The following COL17A1 variants were observed in gnomAD, a reference collection of about 807,000 sequenced individuals.
COL17A1 encodes collagen type XVII alpha 1 chain, also known as collagen alpha-1(XVII) chain.
A neutral mutation model predicts 218.4 loss-of-function variants in COL17A1; 181 were observed. The observed-to-expected ratio is 0.83, with a 90% confidence interval of 0.73 to 0.94. COL17A1 has a LOEUF of 0.94. Ranked by LOEUF, COL17A1 falls within the 40% of genes least tolerant of loss-of-function variation. The pLI, the probability that COL17A1 is intolerant of heterozygous loss-of-function variation, is 0.00. For missense variants in COL17A1, 1,924 were observed against 1,945.9 expected (o/e 0.99, Z 0.21); for synonymous variants, 721 against 731.0 (o/e 0.99, Z 0.22).
At chr10:104,061,554 G>A (rs2086583236) in intron 12 of COL17A1, 81 bp from the exon 13 acceptor site, 3 of 1,208,350 alleles carry the variant, frequency 2.5e-6, no homozygotes, top group South Asian at 1.3e-5. Context: ...TGGCAGAGAG[G>A]TACCCCCGAC....
chr10:104,034,298 C>G lies in COL17A1; in HGVS notation c.3803G>C (p.Gly1268Ala), dbSNP rs2086249958. Residue 1268 changes from glycine (G) to alanine (A), a missense_variant, in exon 52 of 56, where the codon GGC (glycine) becomes GCC (alanine). Coordinates refer to ENST00000648076, the MANE Select transcript of COL17A1 (RefSeq NM_000494.4). ...DVRSFIVGPP[G>A]PPGPQGPPGD... ...AGGGGGTCCCTGCGGCCCAGGAGGG[C>G]CTGGGGGGCCAACAATGAAGCTGCG... The G allele has an allele frequency of 6.3e-7, 1 of 1,577,386 alleles. No homozygotes were observed. Among genetic ancestry groups the G allele is most frequent in the South Asian group, 1.2e-5 (1 of 86,928 alleles).
intron 9 of COL17A1, among the ~76,000 whole-genome samples, chr10:104,067,504 G>A (rs954987904): frequency 2.0e-5 from 3 of 152,130 alleles, no homozygotes; most frequent in South Asian, 2.1e-4. Context: ...AGGTTTTTGC[G>A]AAAAGTAAGA....
At chr10:104,043,961 T>G in intron 33 of COL17A1, 101 bp from the exon 34 acceptor site, 1 of 1,293,224 alleles carries the variant, frequency 7.7e-7, no homozygotes, top group East Asian at 2.3e-5. Flanking sequence ...GACCCACTTC[T>G]GGGCCTCTCA....
intron 29 of COL17A1, among the ~76,000 whole-genome samples, chr10:104,048,449 A>G (rs940274856): frequency 6.6e-6 from 1 of 152,206 alleles, no homozygotes; most frequent in Admixed American, 6.5e-5. Context: ...ACCTCTCTCC[A>G]AAATGGTGGC....
intron 15 of COL17A1, among the ~76,000 whole-genome samples, chr10:104,058,519 A>G (rs747326673): frequency 6.6e-6 from 1 of 152,080 alleles, no homozygotes; most frequent in Non-Finnish European, 1.5e-5. Context: ...GTGAGAAATG[A>G]CTCTGATTTC....
chr10:104,083,526 T>A (rs574998879), intron 1 of COL17A1, among the ~76,000 whole-genome samples: 2 of 152,330 alleles, frequency 1.3e-5, no homozygotes, highest in East Asian at 3.9e-4. Context: ...GTAAAAATGA[T>A]CCCATGTCAC....
intron 9 of COL17A1, among the ~76,000 whole-genome samples, chr10:104,069,432 C>A (rs1333163616): frequency 6.6e-6 from 1 of 152,190 alleles, no homozygotes; most frequent in African/African-American, 2.4e-5. Flanking sequence ...TACCCCTTGG[C>A]ATCCCCCTTC....
At chr10:104,039,349 A>G (rs917558091) in intron 43 of COL17A1, 96 bp downstream of exon 43, 1 of 1,356,024 alleles carries the variant, frequency 7.4e-7, no homozygotes. Context: ...AAGACTTTAC[A>G]CTGATGAGTA....
At chr10:104,059,951 C>T (rs909216807) in intron 14 of COL17A1, among the ~76,000 whole-genome samples, 168 bp downstream of exon 14, 1 of 152,170 alleles carries the variant, frequency 6.6e-6, no homozygotes, top group African/African-American at 2.4e-5. Flanking sequence ...AGCTCATCTG[C>T]ATTCAAGGCA....
chr10:104,036,950 T>C, intron 47 of COL17A1, 95 bp downstream of exon 47: 1 of 1,215,812 alleles, frequency 8.2e-7, no homozygotes, highest in East Asian at 2.5e-5. Flanking sequence ...CTTGCAGCCC[T>C]TCCAAGGCTC....
rs2086338139 is a variant in COL17A1 at position 104,039,640 on chromosome 10, C to T, written c.2789G>A (p.Gly930Asp). The T allele has an allele frequency of 1.2e-6, 2 of 1,614,154 alleles. No individual in the cohort carries two copies. The highest frequency in any genetic ancestry group is 1.7e-6 in the Non-Finnish European group (2 of 1,180,012). ...QGPPGPRGHQ[G>D]EQGLPGFSTS... ...TGAGAAACCTGGGAGGCCTTGCTCG[C>T]CTGAGGAACACACCAAGGGAGGGAC... The change falls in exon 42 of 56, where the codon GGC becomes GAC. Residue 930 changes from glycine (G) to aspartate (D), a missense_variant and splice_region_variant. Gly to Asp is a moderately conservative substitution (Grantham distance 94). Coordinates refer to ENST00000648076, the MANE Select transcript of COL17A1 (RefSeq NM_000494.4).
At chr10:104,049,297 G>A in intron 29 of COL17A1, 112 bp downstream of exon 29, 4 of 943,768 alleles carry the variant, frequency 4.2e-6, no homozygotes, top group Non-Finnish European at 6.9e-6. Flanking sequence ...ACTCTACCAG[G>A]AGTGGGCAGA....
chr10:104,060,107 G>A lies in COL17A1; in HGVS notation c.1141+12C>T. On this transcript the variant is annotated intron_variant, in intron 14 of 55. Coordinates refer to ENST00000648076, the MANE Select transcript of COL17A1 (RefSeq NM_000494.4). ...TTCTTCTGAAACCCAAGCCACACAG[G>A]ATCTGACGCACTTGCAGCGATGCTG... The A allele has an allele frequency of 6.2e-7, 1 of 1,613,916 alleles. No homozygotes were observed. Among genetic ancestry groups the A allele is most frequent in the Non-Finnish European group, 8.5e-7 (1 of 1,180,012 alleles).
intron 39 of COL17A1, 127 bp from the exon 40 acceptor site, chr10:104,040,537 G>GATGA: frequency 2.1e-6 from 1 of 481,344 alleles, no homozygotes; most frequent in Non-Finnish European, 4.1e-6. Context: ...TGGATGGATG[G>GATGA]ATGAATGGGT....
At chr10:104,057,432 ATGGGGTT>A (rs2134621702) in intron 16 of COL17A1, among the ~76,000 whole-genome samples, 3 of 151,856 alleles carry the variant, frequency 2.0e-5, no homozygotes, top group Non-Finnish European at 4.4e-5. Flanking sequence ...TTTTTATAAC[ATGGGGTT>A]AAAAGATTGC....
intron 17 of COL17A1, 98 bp downstream of exon 17, chr10:104,056,877 A>G: frequency 6.5e-7 from 1 of 1,542,430 alleles, no homozygotes; most frequent in Non-Finnish European, 8.7e-7. Context: ...CTCGCCCCCT[A>G]ACACGTGGGC....
At chr10:104,067,892 G>T (rs1471374063) in intron 9 of COL17A1, among the ~76,000 whole-genome samples, 1 of 152,000 alleles carries the variant, frequency 6.6e-6, no homozygotes. Context: ...GACGGGAAAA[G>T]ACAGAGATCA....
chr10:104,069,418 A>G (rs1323814333), intron 9 of COL17A1, among the ~76,000 whole-genome samples: 1 of 152,246 alleles, frequency 6.6e-6, no homozygotes, highest in Non-Finnish European at 1.5e-5. Context: ...AAATGGGATT[A>G]CTATACCCCT....
intron 31 of COL17A1, among the ~76,000 whole-genome samples, chr10:104,047,114 C>T (rs1203193400): frequency 2.0e-5 from 3 of 152,216 alleles, no homozygotes; most frequent in African/African-American, 7.2e-5. Flanking sequence ...TCTATGGCTC[C>T]TGTCTGGGCA....
Sources: allele counts gnomAD v4.1 joint callset (sites outside exome capture counted in the v4.1 genomes callset), GRCh38; gene constraint gnomAD v4.1.1; transcripts MANE v1.5; gene names NCBI Gene and HGNC (gene_info 2026-07-23, HGNC 2026-07-21).